The following ATP13A5 variants were observed in gnomAD, a reference collection of about 807,000 sequenced individuals.
ATP13A5 encodes the protein probable cation-transporting ATPase 13A5.
Under a neutral mutation model 150.2 loss-of-function variants are expected in ATP13A5, and 149 were observed. The observed-to-expected ratio is 0.99, with a 90% CI of 0.87 to 1.14. ATP13A5 has a LOEUF of 1.14. Among genes scored for constraint, ATP13A5 ranks in the 50% most tolerant of loss-of-function variants. The pLI is 0.00. For missense variants in ATP13A5, 1,383 were observed against 1,449.3 expected (o/e 0.95, Z 0.74); for synonymous variants, 497 against 522.2 (o/e 0.95, Z 0.66).
At chr3:193,340,430 G>A (rs1712072087) in intron 9 of ATP13A5, among the ~76,000 whole-genome samples, 1 of 152,146 alleles carries the variant, frequency 6.6e-6, no homozygotes, top group Non-Finnish European at 1.5e-5. Flanking sequence ...AAAAAGAGAG[G>A]ACGAAAGGAT....
intron 9 of ATP13A5, among the ~76,000 whole-genome samples, chr3:193,339,557 TA>T (rs1211261957): frequency 6.6e-6 from 1 of 152,228 alleles, no homozygotes; most frequent in African/African-American, 2.4e-5. Context: ...TGTAAGAAGC[TA>T]TAAAATTGTT....
chr3:193,312,752 G>A (rs2108852971), intron 19 of ATP13A5: 1 of 152,276 alleles, frequency 6.6e-6, no homozygotes, highest in Admixed American at 6.5e-5. Flanking sequence ...CTCAGGGAAA[G>A]CATTGTAGTT....
intron 27 of ATP13A5, among the ~76,000 whole-genome samples, chr3:193,284,006 G>A (rs969870202): frequency 5.7e-4 from 35 of 61,906 alleles, no homozygotes; most frequent in African/African-American, 1.9e-3. Context: ...TTTGGCCTGC[G>A]GATTATTATT....
At chr3:193,354,328 G>A in intron 5 of ATP13A5, 132 bp from the exon 6 acceptor site, 2 of 758,082 alleles carry the variant, frequency 2.6e-6, no homozygotes, top group Non-Finnish European at 4.2e-6. Flanking sequence ...TAATGTGCAA[G>A]TTCTTTTGAA....
In ATP13A5 at chr3:193,335,059, C is replaced by T; in HGVS notation, c.984G>A (p.Met328Ile). Reference protein sequence around the residue: ...IPVTKTPLPQMENTMPWKCHS... With the variant: ...IPVTKTPLPQIENTMPWKCHS... ...GACATTTCCAAGGCATAGTGTTCTC[C>T]ATCTGGGGCAATGGTGTCTTTGTAA... Residue 328 changes from methionine (M) to isoleucine (I), a missense_variant, in exon 10 of 30, where the codon ATG becomes ATA. Physicochemically the swap from Met to Ile is conservative, Grantham distance 10 (BLOSUM62 1). Transcript: ENST00000342358. 6.2e-7 allele frequency: 1 copy of T among 1,613,910 alleles called. No individual in the cohort carries two copies. The highest frequency in any genetic ancestry group is 8.5e-7 in the Non-Finnish European group (1 of 1,179,814).
At chr3:193,288,082 A>G (rs1424906324) in intron 26 of ATP13A5, among the ~76,000 whole-genome samples, 1 of 152,144 alleles carries the variant, frequency 6.6e-6, no homozygotes, top group Admixed American at 6.6e-5. Context: ...CTCATGATAA[A>G]ATTTGAATGG....
At chr3:193,339,100 T>C (rs1712013434) in intron 9 of ATP13A5, among the ~76,000 whole-genome samples, 4 of 151,922 alleles carry the variant, frequency 2.6e-5, no homozygotes, top group African/African-American at 7.3e-5. Flanking sequence ...TCATTTTTTA[T>C]TGCATCTATT....
chr3:193,319,407 T>C (rs991162506), intron 16 of ATP13A5, among the ~76,000 whole-genome samples: 1 of 152,194 alleles, frequency 6.6e-6, no homozygotes, highest in Non-Finnish European at 1.5e-5. Context: ...AGGTGGGGCC[T>C]TCAGGAGGTA....
In ATP13A5 at chr3:193,315,097, CT is replaced by C. The variant is rs756212434; in HGVS notation, c.2034-2del. ...TGTTAACTCTGACTCCACTTTTTCT[CT>C]TTGTATTCAGGAGAAAATCAATATT... On this transcript the variant is annotated splice_acceptor_variant, in intron 17 of 29. Transcript: ENST00000342358. LOFTEE classifies it high-confidence loss of function. The C allele has an allele frequency of 2.8e-5, 45 of 1,611,968 alleles. No homozygotes were observed. Among genetic ancestry groups the C allele is most frequent in the Non-Finnish European group, 3.8e-5 (45 of 1,178,806 alleles).
intron 18 of ATP13A5, 69 bp from the exon 19 acceptor site, chr3:193,314,262 C>G (rs1718964290): frequency 1.3e-6 from 2 of 1,506,626 alleles, no homozygotes; most frequent in Non-Finnish European, 1.8e-6. Flanking sequence ...CTGAGGTCTC[C>G]CTTTTCCACT....
intron 1 of ATP13A5, among the ~76,000 whole-genome samples, chr3:193,376,876 T>C (rs992337668): frequency 1.3e-5 from 2 of 152,198 alleles, no homozygotes; most frequent in African/African-American, 4.8e-5. Flanking sequence ...TCAACCAGAA[T>C]AGGATTTGCA....
At position 193,284,909 on chromosome 3, in the gene ATP13A5, C is replaced by T. The variant is rs1560113177; in HGVS notation, c.3226+5G>A. On this transcript the variant is annotated splice_donor_5th_base_variant and intron_variant, in intron 27 of 29. Transcript: ENST00000342358. ...AGAAAGAAAAATTAAACTTTATATA[C>T]TTACAGTTTGTATAGATGGGTTTTC... 24 of 1,604,884 alleles carry T rather than the reference C, an allele frequency of 1.5e-5. No homozygotes were observed. The highest frequency in any genetic ancestry group is 2.0e-5 in the Non-Finnish European group (23 of 1,173,576).
chr3:193,370,179 T>C (rs1423561688), intron 1 of ATP13A5, among the ~76,000 whole-genome samples: 1 of 152,310 alleles, frequency 6.6e-6, no homozygotes, highest in Non-Finnish European at 1.5e-5. Context: ...AACAGTCTTT[T>C]TCTAGGCCCA....
In ATP13A5 at chr3:193,275,188, G is replaced by C. The variant is rs200436579; in HGVS notation, c.3511C>G (p.Pro1171Ala). The C allele has an allele frequency of 6.2e-7, 1 of 1,614,132 alleles. No homozygotes were observed. The highest frequency in any genetic ancestry group is 2.2e-5 in the East Asian group (1 of 44,880). ...GAATAATCTGTCCTGTTTATGGGAG[G>C]CCAGGTTGAGTCTTCTGCTAGCTTC... ...QKKLAEDSTW[P>A]PINRTDYSGD... is the part of the protein sequence containing the mutation. Residue 1171 changes from proline to alanine, a missense_variant, in exon 30 of 30, where the codon CCT (proline) becomes GCT (alanine). Pro to Ala is a conservative substitution (Grantham distance 27). Coordinates refer to ENST00000342358, the MANE Select transcript of ATP13A5 (RefSeq NM_198505.4).
At chr3:193,280,623 G>A (rs560889942) in intron 27 of ATP13A5, among the ~76,000 whole-genome samples, 18 of 152,186 alleles carry the variant, frequency 1.2e-4, no homozygotes, top group African/African-American at 2.9e-4. Flanking sequence ...TAAACTTCCC[G>A]GATGCACTGT....
intron 25 of ATP13A5, among the ~76,000 whole-genome samples, chr3:193,295,130 A>G (rs1207326130): frequency 1.3e-5 from 2 of 152,132 alleles, no homozygotes; most frequent in African/African-American, 2.4e-5. Context: ...AAATGTCCAC[A>G]GTTCTCAGAC....
chr3:193,300,949 AG>A (rs1238092869), intron 24 of ATP13A5, among the ~76,000 whole-genome samples: 1 of 152,206 alleles, frequency 6.6e-6, no homozygotes, highest in Non-Finnish European at 1.5e-5. Context: ...ATATTCCAAA[AG>A]AAGAAACAGG....
intron 11 of ATP13A5, among the ~76,000 whole-genome samples, chr3:193,333,172 A>AACAC (rs57775933): frequency 2.7e-3 from 380 of 143,248 alleles, no homozygotes; most frequent in African/African-American, 8.8e-3. Context: ...CACACACACA[A>AACAC]ACACACACAC....
chr3:193,280,704 G>A (rs2108816518), intron 27 of ATP13A5, among the ~76,000 whole-genome samples: 1 of 152,318 alleles, frequency 6.6e-6, no homozygotes, highest in Non-Finnish European at 1.5e-5. Flanking sequence ...GCACTTTAGA[G>A]ACGGTACCTT....
Sources: allele counts gnomAD v4.1 joint callset (sites outside exome capture counted in the v4.1 genomes callset), GRCh38; gene constraint gnomAD v4.1.1; transcripts MANE v1.5; gene names NCBI Gene and HGNC (gene_info 2026-07-23, HGNC 2026-07-21).